KRABD5: variants seen among roughly 807,000 people sequenced by gnomAD.
KRABD5 encodes the protein KRAB domain-containing protein 5.
the KRABD5 span, among the ~76,000 whole-genome samples, chr16:31,738,711 T>A: frequency 1.3e-5 from 2 of 152,156 alleles, no homozygotes; most frequent in Non-Finnish European, 2.9e-5. Context: ...TTGCATTTTG[T>A]TCAATTTTTT....
chr16:31,718,818 C>A, the KRABD5 span, among the ~76,000 whole-genome samples: 1 of 152,188 alleles, frequency 6.6e-6, no homozygotes, highest in East Asian at 1.9e-4. Context: ...CCAGGAACTC[C>A]CTCACCAGCA....
At chr16:31,714,562 T>A in the KRABD5 span, 1 of 373,792 alleles carries the variant, frequency 2.7e-6, no homozygotes, top group South Asian at 2.0e-5. Flanking sequence ...CCCACCTCGA[T>A]GGACCTGAAA....
At chr16:31,726,804 C>A in the KRABD5 span, among the ~76,000 whole-genome samples, 1 of 152,084 alleles carries the variant, frequency 6.6e-6, no homozygotes, top group East Asian at 1.9e-4. Context: ...GAATTTATTT[C>A]TATTTCTCTG....
At chr16:31,718,134 G>A in the KRABD5 span, among the ~76,000 whole-genome samples, 8 of 152,102 alleles carry the variant, frequency 5.3e-5, no homozygotes, top group East Asian at 1.9e-4. Flanking sequence ...CAGAAGGTGC[G>A]TGCCACTTCT....
chr16:31,747,559 C>T, the KRABD5 span, among the ~76,000 whole-genome samples: 4 of 152,140 alleles, frequency 2.6e-5, no homozygotes, highest in Non-Finnish European at 4.4e-5. Flanking sequence ...CCTGAGGAAT[C>T]GCCACACCGA....
At chr16:31,759,649 C>A in the KRABD5 span, 1 of 351,690 alleles carries the variant, frequency 2.8e-6, no homozygotes, top group Non-Finnish European at 5.4e-6. Context: ...GGGGGCAGGT[C>A]TATATATTTT....
chr16:31,716,530 C>G, the KRABD5 span, among the ~76,000 whole-genome samples: 1 of 152,272 alleles, frequency 6.6e-6, no homozygotes, highest in East Asian at 1.9e-4. Flanking sequence ...ATGTGCCCCC[C>G]ACACCTGGCT....
the KRABD5 span, among the ~76,000 whole-genome samples, chr16:31,714,071 C>A: frequency 2.6e-5 from 4 of 152,184 alleles, no homozygotes; most frequent in African/African-American, 9.7e-5. Context: ...AATATCAGGT[C>A]CTCTCTTTTG....
chr16:31,723,264 C>T, the KRABD5 span: 8 of 1,613,502 alleles, frequency 5.0e-6, no homozygotes, highest in African/African-American at 5.3e-5. Flanking sequence ...ACAGGTCTCG[C>T]TGTCTCTAAG....
At chr16:31,733,177 G>A in the KRABD5 span, among the ~76,000 whole-genome samples, 1 of 151,870 alleles carries the variant, frequency 6.6e-6, no homozygotes, top group Admixed American at 6.6e-5. Context: ...TTATTCATCT[G>A]TATAAATATT....
chr16:31,755,395 A>G, the KRABD5 span: 1 of 500,666 alleles, frequency 2.0e-6, no homozygotes, highest in Non-Finnish European at 4.1e-6. Context: ...TATGTAAAGA[A>G]TGTGGCAAAG....
the KRABD5 span, among the ~76,000 whole-genome samples, chr16:31,718,119 A>G: frequency 6.6e-6 from 1 of 152,130 alleles, no homozygotes; most frequent in East Asian, 1.9e-4. Context: ...ATGCCCATGA[A>G]TGTGCAGAAG....
At chr16:31,744,049 T>C in the KRABD5 span, among the ~76,000 whole-genome samples, 1 of 152,194 alleles carries the variant, frequency 6.6e-6, no homozygotes, top group Non-Finnish European at 1.5e-5. Context: ...TTTCTAAATA[T>C]AAAATTATGT....
At chr16:31,741,835 C>T in the KRABD5 span, among the ~76,000 whole-genome samples, 1 of 152,022 alleles carries the variant, frequency 6.6e-6, no homozygotes, top group South Asian at 2.1e-4. Flanking sequence ...GTTACAATTG[C>T]TTTTGAGAAT....
At chr16:31,758,881 A>G in the KRABD5 span, 2 of 152,274 alleles carry the variant, frequency 1.3e-5, no homozygotes, top group Non-Finnish European at 2.9e-5. Flanking sequence ...TGACTATTTG[A>G]AACAAATTAT....
At chr16:31,745,817 A>G in the KRABD5 span, among the ~76,000 whole-genome samples, 18 of 152,256 alleles carry the variant, frequency 1.2e-4, no homozygotes, top group African/African-American at 4.3e-4. Context: ...TTGGGTGCAT[A>G]TATATTTAGA....
At chr16:31,719,838 C>T in the KRABD5 span, among the ~76,000 whole-genome samples, 3 of 152,196 alleles carry the variant, frequency 2.0e-5, no homozygotes, top group Non-Finnish European at 2.9e-5. Flanking sequence ...AACCTTTTTC[C>T]ATTCCTGCAG....
the KRABD5 span, among the ~76,000 whole-genome samples, chr16:31,729,829 A>G: frequency 6.6e-6 from 1 of 150,678 alleles, no homozygotes; most frequent in Non-Finnish European, 1.5e-5. Flanking sequence ...TCTAGTGGTT[A>G]TAAGACTTAC....
the KRABD5 span, among the ~76,000 whole-genome samples, chr16:31,753,246 C>A: frequency 3.3e-5 from 5 of 152,192 alleles, no homozygotes; most frequent in South Asian, 1.0e-3. Context: ...TTTAATCTCC[C>A]CCTTTGTTGA....
Sources: gnomAD v4.1 joint callset for allele counts (sites outside exome capture counted in the v4.1 genomes callset) on GRCh38, gnomAD v4.1.1 for gene constraint, MANE v1.5 for transcripts, NCBI Gene and HGNC (gene_info 2026-07-23, HGNC 2026-07-21) for gene names.